The following LBP variants were observed in gnomAD, a reference collection of about 807,000 sequenced individuals.
LBP encodes lipopolysaccharide binding protein, also known as lipopolysaccharide-binding protein.
LBP carries 53 observed loss-of-function variants against 56.6 expected under a neutral mutation model. That is an observed-to-expected ratio of 0.94 (90% CI 0.75 to 1.18). The LOEUF is 1.18. LBP is among the 50% of genes most tolerant of loss of function. The probability of loss-of-function intolerance (pLI) is 0.00; values close to 1 mark genes in which losing one functional copy is unlikely to be tolerated. For missense variants in LBP, 601 were observed against 598.3 expected, an observed-to-expected ratio of 1.00 and a Z score of -0.05; for synonymous variants, 227 against 247.5, an observed-to-expected ratio of 0.92 and a Z score of 0.78.
intron 1 of LBP, among the ~76,000 whole-genome samples, chr20:38,347,916 T>G (rs1054068804): frequency 6.6e-6 from 1 of 151,948 alleles, no homozygotes; most frequent in Non-Finnish European, 1.5e-5. Context: ...ATAACAACAT[T>G]CCCTTAGATA....
rs112052603 is a variant in LBP, at chr20:38,369,598, C to T, written c.1149+436C>T. ...GGAGGTACTGTCAGGAGAATGATGG[C>T]GGGGAGGAAGGATGAAGCCAGAGTA... On this transcript the variant is annotated intron_variant, in intron 10 of 14. Transcript: ENST00000217407. Among the ~76,000 whole-genome samples, 51 of 152,240 alleles carry T rather than the reference C, an allele frequency of 3.3e-4. 3 individuals carry two copies. Among genetic ancestry groups the T allele is most frequent in the African/African-American group, 1.2e-3 (48 of 41,522 alleles).
rs764870709 is a variant in LBP, at chr20:38,373,120, T to C, written c.1309T>C (p.Tyr437His). The change falls in exon 13 of 15, where the codon TAC (tyrosine) becomes CAC (histidine). Residue 437 changes from tyrosine to histidine, a missense_variant. By Grantham distance (83) the Tyr-to-His change is moderately conservative. Coordinates refer to ENST00000217407, the MANE Select transcript of LBP (RefSeq NM_004139.5). ...CAACTATTACATCCTTAACACCTTCTACCCCAAGTTCAATGGTAAGAATCA... is the reference window on the plus strand; with the variant it reads ...CAACTATTACATCCTTAACACCTTCCACCCCAAGTTCAATGGTAAGAATCA... ...LLNYYILNTF[Y>H]PKFNDKLAEG... is the part of the protein sequence containing the mutation. The C allele has an allele frequency of 3.7e-6, 6 of 1,613,462 alleles. No individual in the cohort carries two copies. The highest frequency in any genetic ancestry group is 2.7e-5 in the African/African-American group (2 of 74,916).
chr20:38,361,154 A>C (rs1357315516), intron 6 of LBP, among the ~76,000 whole-genome samples: 3 of 150,074 alleles, frequency 2.0e-5, no homozygotes, highest in East Asian at 3.9e-4. Context: ...AAAGACCGAA[A>C]CTCTGTCTCA....
At chr20:38,367,391 C>T (rs1223114840) in intron 9 of LBP, among the ~76,000 whole-genome samples, 1 of 152,074 alleles carries the variant, frequency 6.6e-6, no homozygotes, top group African/African-American at 2.4e-5. Flanking sequence ...GAGGTTGAGG[C>T]TGCAGTGAGC....
intron 5 of LBP, among the ~76,000 whole-genome samples, chr20:38,355,787 G>C (rs1044966281): frequency 2.6e-4 from 40 of 152,108 alleles, no homozygotes; most frequent in Admixed American, 2.5e-3. Flanking sequence ...AAAGCTCAGC[G>C]AGGGCGTGGG....
At chr20:38,359,264 T>C (rs947450285) in intron 5 of LBP, among the ~76,000 whole-genome samples, 10 of 152,152 alleles carry the variant, frequency 6.6e-5, no homozygotes, top group Non-Finnish European at 1.2e-4. Context: ...AGAGTATTTA[T>C]CTTAGGTTTT....
intron 10 of LBP, among the ~76,000 whole-genome samples, chr20:38,370,244 C>T (rs2122624327): frequency 6.6e-6 from 1 of 152,098 alleles, no homozygotes; most frequent in African/African-American, 2.4e-5. Context: ...GGCCTGGTGG[C>T]ATGCACCTGT....
chr20:38,353,169 A>T (rs1308448790), intron 3 of LBP, among the ~76,000 whole-genome samples: 2 of 152,150 alleles, frequency 1.3e-5, no homozygotes, highest in East Asian at 3.8e-4. Context: ...TTAAAAATTG[A>T]TAGGAAATTC....
At chr20:38,372,500 A>G (rs1477859739) in intron 12 of LBP, among the ~76,000 whole-genome samples, 1 of 152,238 alleles carries the variant, frequency 6.6e-6, no homozygotes, top group Non-Finnish European at 1.5e-5. Context: ...CATGAAATGT[A>G]AAAACAAAAA....
chr20:38,368,975 TCTC>T lies in LBP; in HGVS notation c.982-17_982-15del. 3.7e-6 allele frequency: 6 copies of T among 1,612,480 alleles called. No individual in the cohort carries two copies. The highest frequency in any genetic ancestry group is 5.1e-6 in the Non-Finnish European group (6 of 1,178,526). ...TGTATATTTTCTTCTCTTGATGTAA[TCTC>T]CTAATTCTGCTCCCAGTTAGCCAGG... is the stretch of plus-strand genomic sequence containing the variant. On this transcript the variant is annotated splice_polypyrimidine_tract_variant and intron_variant, in intron 9 of 14. Transcript: ENST00000217407.
chr20:38,360,455 C>T (rs565184814), intron 5 of LBP, among the ~76,000 whole-genome samples: 2 of 152,088 alleles, frequency 1.3e-5, no homozygotes, highest in Non-Finnish European at 2.9e-5. Flanking sequence ...TCAGTGACTC[C>T]CTAGCTCAGG....
At chr20:38,373,186 G>T (rs1301884215) in intron 13 of LBP, 51 bp downstream of exon 13, 1 of 1,499,216 alleles carries the variant, frequency 6.7e-7, no homozygotes, top group African/African-American at 1.4e-5. Flanking sequence ...CTGCTGTCTG[G>T]AGGAAAGAGA....
intron 1 of LBP, among the ~76,000 whole-genome samples, chr20:38,347,751 G>A (rs2076805974): frequency 6.6e-6 from 1 of 152,090 alleles, no homozygotes; most frequent in South Asian, 2.1e-4. Context: ...GCAGTTCCAG[G>A]ACAAAAAGCC....
chr20:38,349,910 T>C (rs2076814788), intron 2 of LBP, among the ~76,000 whole-genome samples: 1 of 152,192 alleles, frequency 6.6e-6, no homozygotes, highest in Non-Finnish European at 1.5e-5. Flanking sequence ...TTTCCTTATC[T>C]GTAAAATGGA....
chr20:38,371,053 A>G (rs1190514596), intron 11 of LBP, among the ~76,000 whole-genome samples: 2 of 152,192 alleles, frequency 1.3e-5, no homozygotes, highest in Non-Finnish European at 2.9e-5. Flanking sequence ...ACTTCCTGAA[A>G]TGATAAAGAG....
At chr20:38,372,168 G>C (rs1353410056) in intron 12 of LBP, among the ~76,000 whole-genome samples, 1 of 152,214 alleles carries the variant, frequency 6.6e-6, no homozygotes, top group Non-Finnish European at 1.5e-5. Context: ...ATGGAGAAGA[G>C]CTTTCTGGAA....
At position 38,369,163 on chromosome 20, in the gene LBP, G is replaced by A. The variant is rs757589019; in HGVS notation, c.1149+1G>A. 2.5e-6 allele frequency: 4 copies of A among 1,613,252 alleles called. No individual in the cohort carries two copies. The highest frequency in any genetic ancestry group is 2.5e-6 in the Non-Finnish European group (3 of 1,179,770). On this transcript the variant is annotated splice_donor_variant, in intron 10 of 14. Transcript: ENST00000217407. LOFTEE classifies it high-confidence loss of function. The stretch of plus-strand genomic sequence containing the variant: ...GGAGCCTGTCTTCCGGCTCAGTGTG[G>A]TAAGGTTCAGAGCCTTTGCAAATGC...
chr20:38,353,905 C>A (rs914625664), intron 3 of LBP, among the ~76,000 whole-genome samples: 1 of 147,476 alleles, frequency 6.8e-6, no homozygotes, highest in Admixed American at 6.7e-5. Context: ...TTGGCTTGTT[C>A]TTTGTATATT....
At chr20:38,363,908 C>G (rs2076870754) in intron 6 of LBP, 67 bp from the exon 7 acceptor site, 2 of 1,134,606 alleles carry the variant, frequency 1.8e-6, no homozygotes, top group Admixed American at 1.7e-5. Flanking sequence ...CAGCCAGAGC[C>G]CTTGCCCCTC....
Sources: gnomAD v4.1 joint callset for allele counts (sites outside exome capture counted in the v4.1 genomes callset) on GRCh38, gnomAD v4.1.1 for gene constraint, MANE v1.5 for transcripts, NCBI Gene and HGNC (gene_info 2026-07-23, HGNC 2026-07-21) for gene names.